Variants in HERC1 observed in about 807,000 individuals in gnomAD.
HERC1 encodes probable E3 ubiquitin-protein ligase HERC1.
Under a neutral mutation model 554.3 loss-of-function variants are expected in HERC1, and 160 were observed. The ratio of observed to expected loss-of-function variants is 0.29; its 90% CI spans 0.25 to 0.33. The LOEUF (loss-of-function observed/expected upper bound fraction) is 0.33, where lower values mean the gene tolerates loss of function less well. Ranked by LOEUF, HERC1 falls within the 10% of genes least tolerant of loss-of-function variation. The pLI, the probability that HERC1 is intolerant of heterozygous loss-of-function variation, is 1.00. For missense variants in HERC1, 4,919 were observed against 5,918.5 expected (o/e 0.83, Z 5.54); for synonymous variants, 2,175 against 2,131.7 (o/e 1.02, Z -0.56).
Position 63,698,587 on chromosome 15 carries a change from T to C in HERC1, c.4905+141A>G, listed in dbSNP as rs777484348. 6.3e-5 allele frequency: 48 copies of C among 766,962 alleles called. No individual in the cohort carries two copies. In the Admixed American group the frequency reaches 8.2e-4, roughly 13 times the overall value. The allele number at this position is 766,962 out of a possible 1,614,324, so 47.5% of individuals were successfully genotyped here. A position where few individuals can be genotyped will look rare whatever the true frequency, so the allele number is the denominator to read the frequency against. The stretch of plus-strand genomic sequence containing the variant: ...AATAATGTGCTGTTCTAGTGAAGAA[T>C]GTTATGTTTAAAAGCTCAGGTACAG... On this transcript the variant is annotated intron_variant, in intron 26 of 77. Transcript: ENST00000443617.
chr15:63,765,164 T>G (rs1024607650), intron 2 of HERC1, among the ~76,000 whole-genome samples: 19 of 152,206 alleles, frequency 1.2e-4, no homozygotes, highest in Non-Finnish European at 2.4e-4. Flanking sequence ...ATAAAATGCC[T>G]ATCTACTGAG....
chr15:63,632,695 G>A lies in HERC1; in HGVS notation c.12796+14C>T. The A allele has an allele frequency of 6.6e-7, 1 of 1,509,634 alleles. No individual in the cohort carries two copies. The allele number at this position is 1,509,634 out of a possible 1,614,324, so 93.5% of individuals were successfully genotyped here. A position where few individuals can be genotyped will look rare whatever the true frequency, so the allele number is the denominator to read the frequency against. ...TGATGTGTACCCAAGCAAATAAGCT[G>A]AAAAATGTCTTACCTTGACCAAAGG... On this transcript the variant is annotated intron_variant, in intron 68 of 77. Transcript: ENST00000443617.
rs1040120293 is a variant in HERC1, at chr15:63,696,310, G to A, written c.4935C>T (p.Leu1645=). 5.0e-6 allele frequency: 8 copies of A among 1,612,604 alleles called. No individual in the cohort carries two copies. Among genetic ancestry groups the A allele is most frequent in the Non-Finnish European group, 5.9e-6 (7 of 1,179,316 alleles). The change falls in exon 27 of 78, where the codon CTC becomes CTT. Residue 1645 remains leucine, a synonymous_variant. Coordinates refer to ENST00000443617, the MANE Select transcript of HERC1 (RefSeq NM_003922.4). ...ELRLEALHQI[L]VLLSGMEEKG... ...TTTCTTCCATCCCAGACAATAGAAC[G>A]AGGATCTGATGAAGTGCCTCTAAAC...
intron 60 of HERC1, 104 bp downstream of exon 60, chr15:63,641,366 A>G: frequency 1.1e-6 from 1 of 951,224 alleles, no homozygotes. Flanking sequence ...AGCCCCACTT[A>G]TTATCCTCAG....
chr15:63,769,463 A>G lies in HERC1; in HGVS notation c.930+5231T>C, dbSNP rs7172272. 6.3e-3 allele frequency among the ~76,000 whole-genome samples: 957 copies of G among 152,302 alleles called. 13 individuals are homozygous for G. Among genetic ancestry groups the G allele is most frequent in the African/African-American group, 0.022 (921 of 41,558 alleles). On this transcript the variant is annotated intron_variant, in intron 2 of 77. Transcript: ENST00000443617. The stretch of plus-strand genomic sequence containing the variant: ...AGCTGGGCATTTTTAGAGAAAATAA[A>G]TTTTGAAAAATATAGCCCATTAAAT...
chr15:63,614,039 T>A (rs1193333148), intron 76 of HERC1, among the ~76,000 whole-genome samples: 1 of 152,028 alleles, frequency 6.6e-6, no homozygotes, highest in Non-Finnish European at 1.5e-5. Flanking sequence ...TGCTTGGAGA[T>A]GGCAGGGGGA....
intron 64 of HERC1, chr15:63,637,202 T>C: frequency 2.0e-6 from 1 of 502,830 alleles, no homozygotes; most frequent in Admixed American, 2.3e-5. Flanking sequence ...GCATGATTGC[T>C]ACTGCTATTA....
At chr15:63,639,486 A>G (rs2068936696) in intron 61 of HERC1, among the ~76,000 whole-genome samples, 1 of 152,218 alleles carries the variant, frequency 6.6e-6, no homozygotes, top group African/African-American at 2.4e-5. Flanking sequence ...TTGCCTAACA[A>G]TGCATTTCTC....
At chr15:63,815,692 TA>T (rs1317631767) in intron 1 of HERC1, among the ~76,000 whole-genome samples, 1 of 152,206 alleles carries the variant, frequency 6.6e-6, no homozygotes, top group Non-Finnish European at 1.5e-5. Context: ...TGGTTGGATA[TA>T]TTTTTTTTAC....
chr15:63,642,840 A>G, intron 59 of HERC1, 117 bp downstream of exon 59: 1 of 672,012 alleles, frequency 1.5e-6, no homozygotes, highest in Admixed American at 2.3e-5. Flanking sequence ...TGTTTTGGAC[A>G]AGTAGTAATC....
At chr15:63,701,256 G>A (rs1014817129) in intron 25 of HERC1, among the ~76,000 whole-genome samples, 7 of 152,112 alleles carry the variant, frequency 4.6e-5, no homozygotes, top group Non-Finnish European at 8.8e-5. Context: ...AATTTTATGG[G>A]AGGTAGTCTT....
chr15:63,716,232 T>C (rs762364768), intron 22 of HERC1, 70 bp downstream of exon 22: 42 of 1,421,862 alleles, frequency 3.0e-5, no homozygotes, highest in Non-Finnish European at 3.6e-5. Flanking sequence ...TGCCTTTCTC[T>C]TTCAAGTTAG....
At chr15:63,693,186 C>CAA (rs201817580) in intron 30 of HERC1, among the ~76,000 whole-genome samples, 17 of 150,034 alleles carry the variant, frequency 1.1e-4, no homozygotes, top group Admixed American at 7.9e-4. Context: ...TCAACAACAA[C>CAA]AAAAAAAACC....
chr15:63,755,809 G>T (rs1296140096), intron 5 of HERC1, among the ~76,000 whole-genome samples: 1 of 152,012 alleles, frequency 6.6e-6, no homozygotes, highest in African/African-American at 2.4e-5. Context: ...GAGAGGAAGA[G>T]AGAGGAGGGG....
chr15:63,784,415 T>C (rs1349604670), intron 1 of HERC1, among the ~76,000 whole-genome samples: 1 of 152,164 alleles, frequency 6.6e-6, no homozygotes, highest in Non-Finnish European at 1.5e-5. Flanking sequence ...CTGTAATAGT[T>C]CATATACAGT....
chr15:63,619,968 G>C (rs950282458), intron 74 of HERC1, among the ~76,000 whole-genome samples: 2 of 151,988 alleles, frequency 1.3e-5, no homozygotes, highest in African/African-American at 2.4e-5. Flanking sequence ...TTGATTTTTT[G>C]AAGGTTTTTT....
chr15:63,696,259 G>C lies in HERC1; in HGVS notation c.4986C>G (p.Ser1662Arg), dbSNP rs1271444347. The change falls in exon 27 of 78, where the codon AGC (serine) becomes AGG (arginine). Residue 1662 changes from serine to arginine, a missense_variant. By Grantham distance (110) the Ser-to-Arg change is moderately radical. Coordinates refer to ENST00000443617, the MANE Select transcript of HERC1 (RefSeq NM_003922.4). ...AGGACTGGAAGCCTGAACTCAATCT[G>C]CTTCCTGCCAGTGAGATGCTACCTT... Reference protein sequence around the residue: ...EEKGSISLAGSRLSSGFQSST... With the variant: ...EEKGSISLAGRRLSSGFQSST... The C allele has an allele frequency of 1.2e-6, 2 of 1,613,198 alleles. No homozygotes were observed. Among genetic ancestry groups the C allele is most frequent in the African/African-American group, 2.7e-5 (2 of 75,022 alleles).
At chr15:63,669,048 G>A (rs1270071532) in intron 40 of HERC1, among the ~76,000 whole-genome samples, 2 of 152,112 alleles carry the variant, frequency 1.3e-5, no homozygotes, top group Admixed American at 6.6e-5. Context: ...AATTTAAAGT[G>A]ATTCAAATTA....
At position 63,626,348 on chromosome 15, in the gene HERC1, G is replaced by A. The variant is rs144162223; in HGVS notation, c.13106-194C>T. On this transcript the variant is annotated intron_variant, in intron 70 of 77. Coordinates refer to ENST00000443617, the MANE Select transcript of HERC1 (RefSeq NM_003922.4). Reference sequence around the variant, plus strand: ...TTTTAAAATGTCTTTATCAGGGGGCGGAGAAAAAAATAAAATAAAATAAAA... The same window carrying A: ...TTTTAAAATGTCTTTATCAGGGGGCAGAGAAAAAAATAAAATAAAATAAAA... Among the ~76,000 whole-genome samples the A allele has an allele frequency of 7.2e-3, 1,098 of 151,998 alleles. 15 individuals are homozygous for A. Among genetic ancestry groups the A allele is most frequent in the African/African-American group, 0.026 (1,058 of 41,458 alleles).
Sources: gnomAD v4.1 joint callset for allele counts (sites outside exome capture counted in the v4.1 genomes callset) on GRCh38, gnomAD v4.1.1 for gene constraint, MANE v1.5 for transcripts, NCBI Gene and HGNC (gene_info 2026-07-23, HGNC 2026-07-21) for gene names.